The following POLR2B variants were observed in gnomAD, a reference collection of about 807,000 sequenced individuals.
The protein encoded by POLR2B is RNA polymerase II subunit B.
POLR2B carries 57 observed loss-of-function variants against 144.6 expected under a neutral mutation model. The ratio of observed to expected loss-of-function variants is 0.39; its 90% CI spans 0.32 to 0.49. POLR2B has a LOEUF of 0.49. POLR2B is among the 20% of genes least tolerant of loss of function. The pLI is 0.83. For missense variants in POLR2B, 595 were observed against 1,467.4 expected (o/e 0.41, Z 9.71); for synonymous variants, 442 against 469.8 (o/e 0.94, Z 0.77).
intron 7 of POLR2B, among the ~76,000 whole-genome samples, chr4:57,004,188 G>A (rs1055136058): frequency 3.0e-4 from 46 of 151,588 alleles, no homozygotes; most frequent in African/African-American, 1.1e-3. Flanking sequence ...AACCATGCCC[G>A]GCTAATTTTT....
At chr4:57,010,936 G>T (rs1268650866) in intron 12 of POLR2B, 49 bp downstream of exon 12, 1 of 1,589,604 alleles carries the variant, frequency 6.3e-7, no homozygotes, top group Non-Finnish European at 8.6e-7. Flanking sequence ...ATCTTTAGTT[G>T]TTGCTTAGTA....
chr4:57,017,738 G>T lies in POLR2B; in HGVS notation c.2323+10G>T. On this transcript the variant is annotated intron_variant, in intron 16 of 24. Coordinates refer to ENST00000314595, the MANE Select transcript of POLR2B (RefSeq NM_000938.3). This position sits in a 1 kb window ranked among gnomAD's most constrained non-coding sequence, Gnocchi z 4.8. ...AGAGAGCTGCCAGCAGGTATGGTCA[G>T]TTTTGCTCTACGTTATTTAAGATCC... The T allele has an allele frequency of 6.2e-7, 1 of 1,607,660 alleles. No individual in the cohort carries two copies. The highest frequency in any genetic ancestry group is 8.5e-7 in the Non-Finnish European group (1 of 1,176,634).
At chr4:57,027,041 C>T (rs1255835446) in intron 23 of POLR2B, among the ~76,000 whole-genome samples, 1 of 151,980 alleles carries the variant, frequency 6.6e-6, no homozygotes, top group African/African-American at 2.4e-5. Flanking sequence ...GACAGTCTCA[C>T]TCTGTCACCC....
Position 57,023,142 on chromosome 4 carries a change from C to G in POLR2B, c.2516-188C>G. ...TTCCAATGTTCTTTTCCTTCATAGA[C>G]TTTTTTTTTTGTTTTCTGTGTGGGC... On this transcript the variant is annotated intron_variant, in intron 18 of 24. Coordinates refer to ENST00000314595, the MANE Select transcript of POLR2B (RefSeq NM_000938.3). The surrounding 1 kb of genome is among the most constrained non-coding windows in gnomAD (Gnocchi z 4.3). 2.2e-6 allele frequency: 1 copy of G among 452,698 alleles called. No individual in the cohort carries two copies. The highest frequency in any genetic ancestry group is 3.9e-6 in the Non-Finnish European group (1 of 256,410). 28.0% of individuals were successfully genotyped at this position (452,698 alleles called of 1,614,324 possible). A position where few individuals can be genotyped will look rare whatever the true frequency, so the allele number is the denominator to read the frequency against.
chr4:57,000,709 G>GT (rs1560476277), intron 7 of POLR2B, among the ~76,000 whole-genome samples: 1 of 151,666 alleles, frequency 6.6e-6, no homozygotes, highest in Non-Finnish European at 1.5e-5. Flanking sequence ...TTTTTTTTGG[G>GT]GGGGAGGATA....
At position 57,024,123 on chromosome 4, in the gene POLR2B, T is replaced by G; in HGVS notation, c.2964+11T>G. 1.5e-6 allele frequency: 2 copies of G among 1,367,314 alleles called. No individual in the cohort carries two copies. Among genetic ancestry groups the G allele is most frequent in the Non-Finnish European group, 2.1e-6 (2 of 967,660 alleles). 84.7% of individuals were successfully genotyped at this position (1,367,314 alleles called of 1,614,324 possible). ...TGCCTTCAAGGGAAGGTAAGAGATG[T>G]TCTTCAAAAATATAGATTCTAAGCT... On this transcript the variant is annotated intron_variant, in intron 21 of 24. Coordinates refer to ENST00000314595, the MANE Select transcript of POLR2B (RefSeq NM_000938.3).
Position 56,994,683 on chromosome 4 carries a change from A to G in POLR2B, c.393A>G (p.Thr131=). 1.2e-6 allele frequency: 2 copies of G among 1,613,202 alleles called. 1 individual carries two copies. The part of the protein sequence containing the change: ...SAPLYVDITK[T]VIKEGEEQLQ... ...CGCTTTATGTTGATATAACAAAAAC[A>G]GTCATTAAAGAAGGTGAAGAACAAC... The change falls in exon 5 of 25, where the codon ACA becomes ACG. Residue 131 remains threonine (T), a synonymous_variant. Transcript: ENST00000314595.
chr4:57,030,767 G>C, intron 24 of POLR2B, 132 bp from the exon 25 acceptor site: 1 of 623,256 alleles, frequency 1.6e-6, no homozygotes, highest in Non-Finnish European at 2.9e-6. Flanking sequence ...AGCTGAGGTA[G>C]CAGAATGTGT....
Position 56,999,686 on chromosome 4 carries a change from A to T in POLR2B, c.805A>T (p.Ile269Phe). 1 of 1,611,720 alleles carries T rather than the reference A, an allele frequency of 6.2e-7. No homozygotes were observed. The highest frequency in any genetic ancestry group is 8.5e-7 in the Non-Finnish European group (1 of 1,177,846). ...TLPYIKQEVP[I>F]IIVFRALGFV... ...ACCATATATCAAGCAAGAAGTTCCC[A>T]TCATTATTGTGTTCAGAGCATTAGG... Residue 269 changes from isoleucine to phenylalanine, a missense_variant, in exon 7 of 25, where the codon ATC becomes TTC. Ile to Phe is a conservative substitution (Grantham distance 21, BLOSUM62 0). Around this residue, in one of 9 missense-constraint regions of POLR2B, gnomAD observed 251 missense variants for 567.3 expected, o/e 0.44. Coordinates refer to ENST00000314595, the MANE Select transcript of POLR2B (RefSeq NM_000938.3).
At chr4:56,993,580 C>T (rs923027114) in intron 3 of POLR2B, among the ~76,000 whole-genome samples, 6 of 152,112 alleles carry the variant, frequency 3.9e-5, no homozygotes, top group African/African-American at 1.4e-4. Context: ...GTACACTATC[C>T]ATTTATCTCT....
intron 18 of POLR2B, among the ~76,000 whole-genome samples, chr4:57,022,584 CATA>C (rs1223714035): frequency 1.3e-5 from 2 of 152,124 alleles, no homozygotes; most frequent in Non-Finnish European, 2.9e-5. Context: ...ATGGTGTGAT[CATA>C]ATATTTGTTC....
chr4:57,011,130 C>G (rs1560480036), intron 13 of POLR2B, 30 bp downstream of exon 13: 2 of 1,406,694 alleles, frequency 1.4e-6, no homozygotes, highest in African/African-American at 2.8e-5. Context: ...AGGGTGTGGA[C>G]TGTGAGATTT....
At position 57,030,997 on chromosome 4, in the gene POLR2B, C is replaced by T; in HGVS notation, c.*9C>T. On this transcript the variant is annotated 3_prime_UTR_variant, in exon 25 of 25. Transcript: ENST00000314595. ...GAATGATGAGTGTTTAGCTATTTTACAGGAGTCAACAAGATAATTAAATAT... is the reference window on the plus strand; with the variant it reads ...GAATGATGAGTGTTTAGCTATTTTATAGGAGTCAACAAGATAATTAAATAT... The T allele has an allele frequency of 6.8e-7, 1 of 1,470,976 alleles. No individual in the cohort carries two copies. The highest frequency in any genetic ancestry group is 9.5e-7 in the Non-Finnish European group (1 of 1,049,556). The allele number at this position is 1,470,976 out of a possible 1,614,324, so 91.1% of individuals were successfully genotyped here.
At chr4:56,985,063 TGA>T (rs1238579969) in intron 1 of POLR2B, among the ~76,000 whole-genome samples, 1 of 151,944 alleles carries the variant, frequency 6.6e-6, no homozygotes, top group African/African-American at 2.4e-5. Flanking sequence ...GACAGCTGGG[TGA>T]GAGATGATCT....
At chr4:57,022,098 C>T (rs1426681748) in intron 17 of POLR2B, 54 bp from the exon 18 acceptor site, 5 of 1,010,554 alleles carry the variant, frequency 4.9e-6, no homozygotes, top group Non-Finnish European at 6.1e-6. Context: ...GGTATAGTCT[C>T]AGCCCTTTTG....
intron 1 of POLR2B, 79 bp downstream of exon 1, chr4:56,979,083 T>C: frequency 2.1e-6 from 3 of 1,456,196 alleles, no homozygotes; most frequent in Non-Finnish European, 2.9e-6. Flanking sequence ...ATTGAGGATT[T>C]GGGGCCTTCC....
At chr4:57,008,470 G>A (rs1479912878) in intron 10 of POLR2B, among the ~76,000 whole-genome samples, 1 of 152,198 alleles carries the variant, frequency 6.6e-6, no homozygotes, top group African/African-American at 2.4e-5. Context: ...CCGAAGTGCT[G>A]GGATCACAGG....
intron 6 of POLR2B, among the ~76,000 whole-genome samples, chr4:56,996,722 A>T (rs1446627976): frequency 6.6e-6 from 1 of 152,152 alleles, no homozygotes. Flanking sequence ...TTTATTTGTA[A>T]GATAAGCATT....
intron 1 of POLR2B, chr4:56,986,098 A>G (rs1722320148): frequency 2.3e-6 from 1 of 440,450 alleles, no homozygotes; most frequent in Admixed American, 3.6e-5. Context: ...CTTGCTGATC[A>G]ATAAAATGGA....
Sources: allele counts gnomAD v4.1 joint callset (sites outside exome capture counted in the v4.1 genomes callset), GRCh38; gene constraint gnomAD v4.1.1; regional missense constraint gnomAD v4.1.1; non-coding constraint Gnocchi (gnomAD v3.1); transcripts MANE v1.5; gene names NCBI Gene and HGNC (gene_info 2026-07-23, HGNC 2026-07-21).